Variants in CACNA2D3 observed in about 807,000 individuals in gnomAD.
CACNA2D3 encodes voltage-dependent calcium channel subunit alpha-2/delta-3.
Under a neutral mutation model 160.6 loss-of-function variants are expected in CACNA2D3, and 60 were observed. The ratio of observed to expected loss-of-function variants is 0.37; its 90% CI spans 0.30 to 0.46. The LOEUF is 0.46. Ranked by LOEUF, CACNA2D3 falls within the 20% of genes least tolerant of loss-of-function variation. The pLI, the probability that CACNA2D3 is intolerant of heterozygous loss-of-function variation, is 1.00. For missense variants in CACNA2D3, 1,205 were observed against 1,365.0 expected (o/e 0.88, Z 1.85); for synonymous variants, 558 against 492.9 (o/e 1.13, Z -1.75).
intron 2 of CACNA2D3, among the ~76,000 whole-genome samples, chr3:54,250,763 G>T (rs1334180400): frequency 6.6e-6 from 1 of 152,032 alleles, no homozygotes; most frequent in East Asian, 1.9e-4. Flanking sequence ...ATTTACAAAG[G>T]TGATAAGCAT....
chr3:54,788,486 C>A (rs776672069), intron 13 of CACNA2D3, among the ~76,000 whole-genome samples: 3 of 152,124 alleles, frequency 2.0e-5, no homozygotes, highest in African/African-American at 7.2e-5. Flanking sequence ...AGGAGCCAGT[C>A]GGAGGTGTCC....
intron 2 of CACNA2D3, among the ~76,000 whole-genome samples, chr3:54,151,812 G>A (rs1170233405): frequency 1.3e-5 from 2 of 152,108 alleles, no homozygotes; most frequent in African/African-American, 4.8e-5. Flanking sequence ...GCCTTTTCTG[G>A]ACTCCGTCTC....
At chr3:55,069,015 T>G (rs1018394209) in intron 35 of CACNA2D3, among the ~76,000 whole-genome samples, 1 of 152,248 alleles carries the variant, frequency 6.6e-6, no homozygotes, top group Non-Finnish European at 1.5e-5. Context: ...TTTGATATTA[T>G]CATAGACTTA....
At chr3:54,660,977 G>A (rs1699959503) in intron 11 of CACNA2D3, among the ~76,000 whole-genome samples, 4 of 152,190 alleles carry the variant, frequency 2.6e-5, no homozygotes, top group Admixed American at 2.6e-4. Context: ...AGGCTTGTAA[G>A]AGCTGCATGT....
In CACNA2D3 at chr3:54,904,272, A is replaced by G. The variant is rs115715880; in HGVS notation, c.2449+4404A>G. Among the ~76,000 whole-genome samples the G allele has an allele frequency of 3.2e-3, 487 of 152,306 alleles. 4 individuals are homozygous for G. Among genetic ancestry groups the G allele is most frequent in the African/African-American group, 0.011 (469 of 41,568 alleles). On this transcript the variant is annotated intron_variant, in intron 27 of 37. Transcript: ENST00000474759. ...TGTTCTCCCTGGAGAGACCTGGCCC[A>G]CTAGTCCAGCAGTCATAGGCACCGC...
intron 18 of CACNA2D3, among the ~76,000 whole-genome samples, chr3:54,873,066 C>T (rs1699576581): frequency 6.6e-6 from 1 of 152,052 alleles, no homozygotes; most frequent in African/African-American, 2.4e-5. Context: ...TTATGCCTCT[C>T]TAGACTTCAG....
In CACNA2D3 at chr3:54,892,913, G is replaced by A. The variant is rs114084022; in HGVS notation, c.2246+1463G>A. Among the ~76,000 whole-genome samples, 1,227 of 152,208 alleles carry A rather than the reference G, an allele frequency of 8.1e-3. 22 individuals are homozygous for A. Among genetic ancestry groups the A allele is most frequent in the African/African-American group, 0.027 (1,120 of 41,538 alleles). On this transcript the variant is annotated intron_variant, in intron 25 of 37. Coordinates refer to ENST00000474759, the MANE Select transcript of CACNA2D3 (RefSeq NM_018398.3). ...AGGTGTACCTGGCTTATCTCACTTG[G>A]GTATCTTCATTCTGTCCTCCTGAAA...
rs749436593 is a variant in CACNA2D3, at chr3:54,316,447, T to A, written c.205-3995T>A. Among the ~76,000 whole-genome samples, 4 of 152,210 alleles carry A rather than the reference T, an allele frequency of 2.6e-5. No homozygotes were observed. The South Asian group carries it at 8.3e-4, about 32-fold the overall frequency. On this transcript the variant is annotated intron_variant, in intron 2 of 37. Transcript: ENST00000474759. ...TTTTCTAATGTGATTCCAGCAGTCA[T>A]TAACATGTCTTGGAAGGACAGAGTG...
At chr3:54,737,525 G>A (rs1265357917) in intron 11 of CACNA2D3, among the ~76,000 whole-genome samples, 7 of 152,130 alleles carry the variant, frequency 4.6e-5, no homozygotes, top group Non-Finnish European at 1.0e-4. Flanking sequence ...GGGAAGAAGA[G>A]GGTGGTTGGG....
chr3:54,852,823 C>T (rs17054461), intron 17 of CACNA2D3, among the ~76,000 whole-genome samples: 1,938 of 152,276 alleles, frequency 0.013, 43 homozygotes, highest in African/African-American at 0.044. Flanking sequence ...AGACAGTGCA[C>T]ATCAAACATC....
intron 13 of CACNA2D3, among the ~76,000 whole-genome samples, chr3:54,786,436 G>A (rs1261647760): frequency 1.3e-5 from 2 of 152,056 alleles, no homozygotes; most frequent in Admixed American, 6.5e-5. Context: ...TTTAAGTACT[G>A]CCTCTTCTGG....
chr3:54,764,682 C>A (rs770237667), intron 13 of CACNA2D3, among the ~76,000 whole-genome samples: 5 of 152,164 alleles, frequency 3.3e-5, no homozygotes, highest in Non-Finnish European at 5.9e-5. Context: ...TAGATTCTGT[C>A]CTCACCATAT....
chr3:55,063,186 G>C (rs1395467925), intron 35 of CACNA2D3, among the ~76,000 whole-genome samples: 1 of 152,134 alleles, frequency 6.6e-6, no homozygotes, highest in East Asian at 1.9e-4. Flanking sequence ...AGGCTTGCTG[G>C]TCCCCGAACC....
chr3:55,041,377 T>C (rs1363629778), intron 35 of CACNA2D3, among the ~76,000 whole-genome samples: 1 of 152,222 alleles, frequency 6.6e-6, no homozygotes, highest in Non-Finnish European at 1.5e-5. Flanking sequence ...GCATTTCTTC[T>C]AGTAATGTAT....
chr3:54,166,723 T>C (rs1010521960), intron 2 of CACNA2D3, among the ~76,000 whole-genome samples: 1 of 152,236 alleles, frequency 6.6e-6, no homozygotes, highest in Non-Finnish European at 1.5e-5. Context: ...GTTGCACTTA[T>C]CAGATAACTT....
rs1168598850 is a variant in CACNA2D3, at chr3:54,708,640, A to G, written c.1168-43959A>G. Among the ~76,000 whole-genome samples the G allele has an allele frequency of 2.0e-5, 3 of 152,196 alleles. No homozygotes were observed. In the East Asian group the frequency reaches 5.8e-4, roughly 29 times the overall value. On this transcript the variant is annotated intron_variant, in intron 11 of 37. Coordinates refer to ENST00000474759, the MANE Select transcript of CACNA2D3 (RefSeq NM_018398.3). ...GTTGGGCTATTTGGAAAAGAGACAGATAATTAAATCTTTTAGAGGAGAATG... is the reference window on the plus strand; with the variant it reads ...GTTGGGCTATTTGGAAAAGAGACAGGTAATTAAATCTTTTAGAGGAGAATG...
In CACNA2D3 at chr3:54,615,218, G is replaced by C. The variant is rs667612; in HGVS notation, c.964-12569G>C. On this transcript the variant is annotated intron_variant, in intron 9 of 37. Transcript: ENST00000474759. ...GAATTAATGAATCTGGGCATTGGTC[G>C]TTGATGACTACCATCATCGCAAGGA... Among the ~76,000 whole-genome samples, 925 of 152,098 alleles carry C rather than the reference G, an allele frequency of 6.1e-3. 6 individuals are homozygous for C. The highest frequency in any genetic ancestry group is 0.02 in the African/African-American group (838 of 41,498).
intron 4 of CACNA2D3, among the ~76,000 whole-genome samples, chr3:54,398,192 A>C (rs997119200): frequency 1.0e-4 from 13 of 129,432 alleles, no homozygotes; most frequent in African/African-American, 3.8e-4. Flanking sequence ...CCATCCTTTT[A>C]TTTTGAGCCT....
intron 31 of CACNA2D3, among the ~76,000 whole-genome samples, chr3:55,000,119 G>A (rs1702948040): frequency 6.6e-6 from 1 of 152,186 alleles, no homozygotes; most frequent in South Asian, 2.1e-4. Context: ...GCTGCACACA[G>A]CACCAGTCTT....
Sources: gnomAD v4.1 joint callset for allele counts (sites outside exome capture counted in the v4.1 genomes callset) on GRCh38, gnomAD v4.1.1 for gene constraint, MANE v1.5 for transcripts, NCBI Gene and HGNC (gene_info 2026-07-23, HGNC 2026-07-21) for gene names.